Variants in IPMK observed in about 807,000 individuals in gnomAD.
IPMK encodes inositol polyphosphate multikinase, also known as inositol 1,3,4,6-tetrakisphosphate 5-kinase.
A neutral mutation model predicts 45.8 loss-of-function variants in IPMK; 17 were observed. The observed-to-expected ratio is 0.37, with a 90% confidence interval of 0.25 to 0.56. The LOEUF (loss-of-function observed/expected upper bound fraction) is 0.56, where lower values mean the gene tolerates loss of function less well. Ranked by LOEUF, IPMK falls within the 20% of genes least tolerant of loss-of-function variation. IPMK has a pLI of 0.79. For synonymous variants in IPMK, 180 were observed against 184.3 expected (o/e 0.98, Z 0.19); for missense variants, 399 against 498.0 (o/e 0.80, Z 1.89).
At chr10:58,226,925 CATAT>C in intron 3 of IPMK, 114 bp downstream of exon 3, 1 of 604,872 alleles carries the variant, frequency 1.7e-6, no homozygotes, top group Non-Finnish European at 2.9e-6. Context: ...GAAAGCAAAA[CATAT>C]ATATTTTGTG....
chr10:58,227,295 C>T (rs1178449523), intron 2 of IPMK, among the ~76,000 whole-genome samples, 156 bp from the exon 3 acceptor site: 1 of 135,676 alleles, frequency 7.4e-6, no homozygotes, highest in Non-Finnish European at 1.5e-5. Flanking sequence ...CTGTGTGTCT[C>T]CAATGAGTAA....
intron 2 of IPMK, among the ~76,000 whole-genome samples, chr10:58,228,432 G>A (rs753193185): frequency 9.2e-5 from 14 of 152,250 alleles, no homozygotes; most frequent in Non-Finnish European, 2.1e-4. Context: ...ATGAAAGAGA[G>A]ATAAATTTTC....
chr10:58,211,905 A>AAAAAAAAAAAAAAAAAAAAAAAAAAAG (rs1838168422), intron 4 of IPMK, among the ~76,000 whole-genome samples: 1 of 148,016 alleles, frequency 6.8e-6, no homozygotes, highest in Non-Finnish European at 1.5e-5. Flanking sequence ...TCTCACCAAA[A>AAAAAAAAAAAAAAAAAAAAAAAAAAAG]AAAAAAAAAA....
intron 1 of IPMK, among the ~76,000 whole-genome samples, chr10:58,266,606 T>C (rs974027786): frequency 1.3e-5 from 2 of 152,146 alleles, no homozygotes; most frequent in South Asian, 2.1e-4. Context: ...ACTCACATAC[T>C]CATCCATCAG....
chr10:58,215,409 G>A (rs1477632563), intron 4 of IPMK, among the ~76,000 whole-genome samples: 2 of 150,850 alleles, frequency 1.3e-5, no homozygotes, highest in African/African-American at 4.9e-5. Context: ...GTAGGGGGGT[G>A]GCGTTGTTTG....
intron 5 of IPMK, among the ~76,000 whole-genome samples, chr10:58,196,973 G>A (rs1769042): frequency 0.34 from 51,465 of 152,072 alleles, 10,949 homozygotes; most frequent in African/African-American, 0.61. Flanking sequence ...CAGGTAGACT[G>A]GTAGTTTACT....
At chr10:58,230,474 TATTTGCTGTTCTGCAAC>T (rs1838497424) in intron 2 of IPMK, among the ~76,000 whole-genome samples, 1 of 152,098 alleles carries the variant, frequency 6.6e-6, no homozygotes, top group African/African-American at 2.4e-5. Flanking sequence ...CAGGCAGCAA[TATTTGCTGTTCTGCAAC>T]ATTTGCTGTT....
intron 1 of IPMK, among the ~76,000 whole-genome samples, chr10:58,238,378 C>A (rs188689013): frequency 1.7e-3 from 265 of 152,306 alleles, no homozygotes; most frequent in Middle Eastern, 0.01. Flanking sequence ...AATCAGGCAA[C>A]AAGCCTAGAG....
intron 2 of IPMK, among the ~76,000 whole-genome samples, chr10:58,229,562 C>CAAAAAAAAA (rs574403627): frequency 2.2e-4 from 16 of 72,882 alleles, no homozygotes; most frequent in South Asian, 4.8e-4. Flanking sequence ...GACCACGTCT[C>CAAAAAAAAA]AAAAAAAAAA....
intron 1 of IPMK, among the ~76,000 whole-genome samples, chr10:58,252,672 G>C (rs1288470711): frequency 1.4e-5 from 2 of 146,172 alleles, no homozygotes; most frequent in Admixed American, 6.9e-5. Context: ...CACTGTAATG[G>C]TGCAATCTCT....
chr10:58,247,665 G>A (rs951572615), intron 1 of IPMK, among the ~76,000 whole-genome samples: 2 of 152,164 alleles, frequency 1.3e-5, no homozygotes, highest in Middle Eastern at 3.2e-3. Context: ...TGGGGTGGGA[G>A]GAGGGGTGAG....
Position 58,198,002 on chromosome 10 carries a change from C to T in IPMK, c.628+1238G>A, listed in dbSNP as rs575312992. On this transcript the variant is annotated intron_variant, in intron 5 of 5. Coordinates refer to ENST00000373935, the MANE Select transcript of IPMK (RefSeq NM_152230.5). ...CCGAGATCGTGCCACTGCACTCCAG[C>T]CTGGGTGATACAGCAAGACTGTCTT... Among the ~76,000 whole-genome samples the T allele has an allele frequency of 2.6e-5, 4 of 152,320 alleles. No individual in the cohort carries two copies. The East Asian group carries it at 5.8e-4, about 22-fold the overall frequency.
chr10:58,203,395 C>A (rs1838024485), intron 4 of IPMK, among the ~76,000 whole-genome samples: 1 of 152,234 alleles, frequency 6.6e-6, no homozygotes, highest in Non-Finnish European at 1.5e-5. Context: ...CGGCTCACTG[C>A]AGCCTCAACC....
chr10:58,241,032 T>C (rs879831514), intron 1 of IPMK, among the ~76,000 whole-genome samples: 7 of 152,024 alleles, frequency 4.6e-5, no homozygotes, highest in Non-Finnish European at 7.4e-5. Context: ...TGACAAGCCA[T>C]TGTGGATGGC....
chr10:58,237,713 A>T lies in IPMK; in HGVS notation c.276+16T>A, dbSNP rs201475962. On this transcript the variant is annotated intron_variant, in intron 2 of 5. Coordinates refer to ENST00000373935, the MANE Select transcript of IPMK (RefSeq NM_152230.5). ...AAACACTTTGAAGACAACAAAACAAATCTTACCTCACTTACCATATTATAG... is the reference window on the plus strand; with the variant it reads ...AAACACTTTGAAGACAACAAAACAATTCTTACCTCACTTACCATATTATAG... The T allele has an allele frequency of 9.7e-5, 154 of 1,592,434 alleles. No homozygotes were observed. The Middle Eastern group carries it at 1.9e-3, about 19-fold the overall frequency.
chr10:58,260,414 T>C (rs1839046171), intron 1 of IPMK, among the ~76,000 whole-genome samples: 1 of 152,250 alleles, frequency 6.6e-6, no homozygotes, highest in Non-Finnish European at 1.5e-5. Flanking sequence ...CTCTGAATTT[T>C]GTAATTTTAC....
chr10:58,243,244 A>G (rs1019489809), intron 1 of IPMK, among the ~76,000 whole-genome samples: 6 of 152,196 alleles, frequency 3.9e-5, no homozygotes, highest in Non-Finnish European at 7.3e-5. Context: ...GTAAAAAAAA[A>G]GGGGTATAGG....
chr10:58,267,590 G>A lies in IPMK; in HGVS notation c.22C>T (p.Pro8Ser), dbSNP rs1411211094. MATEPPS[P>S]LRVEAPGPPE... ...GGGCCCGGCGCCTCGACCCGGAGGG[G>A]GGATGGTGGCTCTGTTGCCATAACG... Residue 8 changes from proline (P) to serine (S), a missense_variant, in exon 1 of 6, where the codon CCC becomes TCC. By Grantham distance (74) the Pro-to-Ser change is moderately conservative (BLOSUM62 -1). Transcript: ENST00000373935. The A allele has an allele frequency of 1.9e-6, 3 of 1,603,126 alleles. No individual in the cohort carries two copies. Among genetic ancestry groups the A allele is most frequent in the Admixed American group, 3.4e-5 (2 of 58,858 alleles).
At chr10:58,264,990 G>T (rs939393282) in intron 1 of IPMK, among the ~76,000 whole-genome samples, 3 of 152,140 alleles carry the variant, frequency 2.0e-5, no homozygotes, top group African/African-American at 7.2e-5. Flanking sequence ...TACTTAAACT[G>T]AATTTTTTTC....
Sources: gnomAD v4.1 joint callset for allele counts (sites outside exome capture counted in the v4.1 genomes callset) on GRCh38, gnomAD v4.1.1 for gene constraint, MANE v1.5 for transcripts, NCBI Gene and HGNC (gene_info 2026-07-23, HGNC 2026-07-21) for gene names.